GSAP: variants seen among roughly 807,000 people sequenced by gnomAD.
GSAP encodes gamma-secretase-activating protein.
A neutral mutation model predicts 131.7 loss-of-function variants in GSAP; 118 were observed. That is an observed-to-expected ratio of 0.90 (90% CI 0.77 to 1.04). The LOEUF (loss-of-function observed/expected upper bound fraction) is 1.04. GSAP is among the 50% of genes least tolerant of loss of function. The pLI is 0.00. For synonymous variants in GSAP, 381 were observed against 363.4 expected (o/e 1.05, Z -0.55); for missense variants, 1,019 against 1,013.2 (o/e 1.01, Z -0.08).
At chr7:77,355,793 T>TTTTTTTTG in intron 14 of GSAP, 146 bp from the exon 15 acceptor site, 2 of 525,682 alleles carry the variant, frequency 3.8e-6, no homozygotes, top group South Asian at 4.3e-5. Flanking sequence ...GCCCGTTTTT[T>TTTTTTTTG]TTTTTTTTTT....
At chr7:77,371,430 TC>T (rs1175986462) in intron 12 of GSAP, among the ~76,000 whole-genome samples, 1 of 42,050 alleles carries the variant, frequency 2.4e-5, no homozygotes, top group African/African-American at 1.1e-4. Flanking sequence ...CCATCTTTTT[TC>T]TTTTTTTTTT....
chr7:77,355,317 A>G lies in GSAP; in HGVS notation c.1234T>C (p.Ser412Pro). The change falls in exon 16 of 31, where the codon TCT (serine) becomes CCT (proline). Residue 412 changes from serine (S) to proline (P), a missense_variant. Transcript: ENST00000257626. The stretch of plus-strand genomic sequence containing the variant: ...GTGTTCTGCAGAAGCTGTAATAAAG[A>G]CGACTGGCTGAGCAGTGCTCTATAG... ...KLYRALLSQS[S>P]LLQLLQNTCL... 6.2e-7 allele frequency: 1 copy of G among 1,613,756 alleles called. No homozygotes were observed. Among genetic ancestry groups the G allele is most frequent in the Non-Finnish European group, 8.5e-7 (1 of 1,179,684 alleles).
At chr7:77,318,424 G>T (rs905136964) in intron 26 of GSAP, among the ~76,000 whole-genome samples, 1 of 152,070 alleles carries the variant, frequency 6.6e-6, no homozygotes, top group Admixed American at 6.6e-5. Context: ...ATATATGTTG[G>T]CCTAAAATGA....
At chr7:77,377,681 T>C (rs1324939203) in intron 8 of GSAP, among the ~76,000 whole-genome samples, 2 of 152,110 alleles carry the variant, frequency 1.3e-5, no homozygotes, top group Admixed American at 1.3e-4. Context: ...CTCCCACAAA[T>C]CAATAGCTGC....
At chr7:77,358,826 A>T (rs138365493) in intron 14 of GSAP, among the ~76,000 whole-genome samples, 11 of 152,348 alleles carry the variant, frequency 7.2e-5, no homozygotes, top group African/African-American at 2.6e-4. Flanking sequence ...ACCTCTAAAC[A>T]AAACACTTGA....
intron 5 of GSAP, among the ~76,000 whole-genome samples, chr7:77,395,984 A>T (rs1468062332): frequency 6.6e-6 from 1 of 152,216 alleles, no homozygotes; most frequent in Non-Finnish European, 1.5e-5. Flanking sequence ...ACAGGTGGTT[A>T]TTATTGTCCC....
intron 7 of GSAP, among the ~76,000 whole-genome samples, 184 bp from the exon 8 acceptor site, chr7:77,381,538 T>C (rs781728883): frequency 6.6e-6 from 1 of 152,196 alleles, no homozygotes; most frequent in Non-Finnish European, 1.5e-5. Context: ...AAACCCATTT[T>C]TCTCCATCCT....
intron 1 of GSAP, chr7:77,415,488 GTCACTT>G (rs1365838717): frequency 6.6e-6 from 1 of 152,282 alleles, no homozygotes; most frequent in African/African-American, 2.4e-5. Context: ...AGGCTCAAAA[GTCACTT>G]TCACTCCCTT....
chr7:77,403,162 C>T (rs895987915), intron 3 of GSAP, among the ~76,000 whole-genome samples: 4 of 152,170 alleles, frequency 2.6e-5, no homozygotes, highest in African/African-American at 7.2e-5. Context: ...GAATACATGC[C>T]ACACAGAAAT....
intron 1 of GSAP, among the ~76,000 whole-genome samples, chr7:77,412,778 A>C (rs1260466563): frequency 1.5e-4 from 2 of 13,360 alleles, no homozygotes; most frequent in African/African-American, 6.7e-4. Flanking sequence ...CAGTTTGACA[A>C]AAAAAAAAAA....
In GSAP at chr7:77,330,269, C is replaced by G; in HGVS notation, c.1644G>C (p.Arg548Ser). The G allele has an allele frequency of 2.5e-6, 4 of 1,613,698 alleles. No homozygotes were observed. The highest frequency in any genetic ancestry group is 3.4e-6 in the Non-Finnish European group (4 of 1,179,718). Reference protein sequence around the residue: ...PHFHYNNSVVRREWHNLISEE... With the variant: ...PHFHYNNSVVSREWHNLISEE... ...CAGAGATCAGGTTGTGCCACTCTCT[C>G]CTGACCACACTGTTGTTATAGTGGA... The change falls in exon 20 of 31, where the codon AGG becomes AGC. Residue 548 changes from arginine to serine, a missense_variant. Physicochemically the swap from Arg to Ser is moderately radical, Grantham distance 110. Transcript: ENST00000257626.
intron 19 of GSAP, among the ~76,000 whole-genome samples, chr7:77,343,420 C>T (rs527445330): frequency 6.6e-6 from 1 of 152,190 alleles, no homozygotes; most frequent in African/African-American, 2.4e-5. Context: ...ATATCCTGCA[C>T]CTCCATGCTG....
At chr7:77,403,000 G>A (rs189632904) in intron 3 of GSAP, among the ~76,000 whole-genome samples, 5 of 152,240 alleles carry the variant, frequency 3.3e-5, no homozygotes, top group South Asian at 2.1e-4. Flanking sequence ...TAAAGGTAAC[G>A]GGGATAAAAC....
chr7:77,385,742 T>C (rs1385466934), intron 6 of GSAP, among the ~76,000 whole-genome samples: 1 of 152,000 alleles, frequency 6.6e-6, no homozygotes, highest in Non-Finnish European at 1.5e-5. Flanking sequence ...CTGAAAGGAC[T>C]GGCTGACAGG....
At chr7:77,390,223 A>T (rs1416687694) in intron 5 of GSAP, among the ~76,000 whole-genome samples, 1 of 152,004 alleles carries the variant, frequency 6.6e-6, no homozygotes. Context: ...ATTTTCTCCC[A>T]TTCTGTAGGT....
intron 3 of GSAP, among the ~76,000 whole-genome samples, chr7:77,401,223 G>A (rs1419815373): frequency 6.6e-6 from 1 of 152,024 alleles, no homozygotes; most frequent in African/African-American, 2.4e-5. Flanking sequence ...AATTTGGCAA[G>A]AGACTACAGA....
intron 1 of GSAP, among the ~76,000 whole-genome samples, chr7:77,412,183 T>C (rs565769977): frequency 1.3e-5 from 2 of 152,166 alleles, no homozygotes; most frequent in South Asian, 2.1e-4. Flanking sequence ...CAAAAGAAAG[T>C]TGTCAAGTTG....
intron 6 of GSAP, among the ~76,000 whole-genome samples, chr7:77,383,789 A>G (rs1001615009): frequency 2.6e-5 from 4 of 152,192 alleles, no homozygotes; most frequent in Non-Finnish European, 5.9e-5. Flanking sequence ...CCAAAACTTG[A>G]AAGTAATATA....
At chr7:77,394,557 G>A (rs1364135351) in intron 5 of GSAP, among the ~76,000 whole-genome samples, 1 of 152,122 alleles carries the variant, frequency 6.6e-6, no homozygotes, top group Non-Finnish European at 1.5e-5. Flanking sequence ...TTATCTCAGG[G>A]AGCAATATAA....
Sources: allele counts gnomAD v4.1 joint callset (sites outside exome capture counted in the v4.1 genomes callset), GRCh38; gene constraint gnomAD v4.1.1; transcripts MANE v1.5; gene names NCBI Gene and HGNC (gene_info 2026-07-23, HGNC 2026-07-21).